The following SNAP91 variants were observed in gnomAD, a reference collection of about 807,000 sequenced individuals.
The protein encoded by SNAP91 is clathrin coat assembly protein AP180.
SNAP91 carries 27 observed loss-of-function variants against 100.3 expected under a neutral mutation model. That is an observed-to-expected ratio of 0.27 (90% CI 0.20 to 0.37). SNAP91 has a LOEUF of 0.37. Ranked by LOEUF, SNAP91 falls within the 10% of genes least tolerant of loss-of-function variation. The probability of loss-of-function intolerance (pLI) is 1.00; values close to 1 mark genes in which losing one functional copy is unlikely to be tolerated. For synonymous variants in SNAP91, 404 were observed against 398.6 expected (o/e 1.01, Z -0.16); for missense variants, 986 against 1,123.7 (o/e 0.88, Z 1.75).
At chr6:83,616,781 C>G (rs2096507483) in intron 10 of SNAP91, among the ~76,000 whole-genome samples, 188 bp downstream of exon 10, 1 of 152,052 alleles carries the variant, frequency 6.6e-6, no homozygotes, top group South Asian at 2.1e-4. Flanking sequence ...CATTAGCCTG[C>G]AGAGAGATTG....
intron 7 of SNAP91, among the ~76,000 whole-genome samples, chr6:83,645,651 A>T (rs764801289): frequency 6.6e-6 from 1 of 152,078 alleles, no homozygotes; most frequent in Non-Finnish European, 1.5e-5. Flanking sequence ...GTTTGAGACC[A>T]GCTTGGGCAA....
chr6:83,700,422 T>C (rs2099276787), intron 2 of SNAP91, among the ~76,000 whole-genome samples: 1 of 151,940 alleles, frequency 6.6e-6, no homozygotes, highest in Non-Finnish European at 1.5e-5. Flanking sequence ...TTATTATTAG[T>C]AGTGGTATTA....
intron 21 of SNAP91, 87 bp from the exon 22 acceptor site, chr6:83,591,381 C>A (rs1435247462): frequency 3.4e-5 from 29 of 859,658 alleles, no homozygotes; most frequent in Non-Finnish European, 5.7e-5. Context: ...TAGAGAAATG[C>A]AGAGACATGA....
chr6:83,576,002 A>T, intron 25 of SNAP91, 21 bp downstream of exon 25: 1 of 1,357,432 alleles, frequency 7.4e-7, no homozygotes, highest in Non-Finnish European at 1.0e-6. Flanking sequence ...AAAGGAAATC[A>T]CATAATTTCC....
At chr6:83,579,895 G>A (rs894891933) in intron 24 of SNAP91, among the ~76,000 whole-genome samples, 5 of 152,024 alleles carry the variant, frequency 3.3e-5, no homozygotes, top group Non-Finnish European at 7.4e-5. Flanking sequence ...TTTTCTCCAT[G>A]GAACTTATGA....
Position 83,623,316 on chromosome 6 carries a change from A to G in SNAP91, c.792T>C (p.Ile264=), listed in dbSNP as rs2096804064. 6.2e-7 allele frequency: 1 copy of G among 1,608,248 alleles called. No individual in the cohort carries two copies. Among genetic ancestry groups the G allele is most frequent in the Non-Finnish European group, 8.5e-7 (1 of 1,176,666 alleles). ...AEQVGIDKGD[I]PDLTQAPSSL... is the part of the protein sequence containing the mutation. ...AGTTGCTTACCTGTGTGAGGTCAGGAATGTCACCTTTATCAATACCAACTT... is the reference window on the plus strand; with the variant it reads ...AGTTGCTTACCTGTGTGAGGTCAGGGATGTCACCTTTATCAATACCAACTT... The change falls in exon 9 of 30, where the codon ATT becomes ATC. Residue 264 remains isoleucine (I), a synonymous_variant. Coordinates refer to ENST00000369694, the MANE Select transcript of SNAP91 (RefSeq NM_001242792.2).
intron 22 of SNAP91, among the ~76,000 whole-genome samples, 158 bp downstream of exon 22, chr6:83,591,053 C>A (rs946217573): frequency 6.6e-6 from 1 of 151,816 alleles, no homozygotes; most frequent in African/African-American, 2.4e-5. Context: ...AGCATAGTAC[C>A]CAACAGTCAG....
At chr6:83,690,450 G>T in intron 2 of SNAP91, 1 of 1,265,292 alleles carries the variant, frequency 7.9e-7, no homozygotes, top group Non-Finnish European at 1.0e-6. Flanking sequence ...CGAAAACAAT[G>T]CAGCTCAGTT....
chr6:83,589,437 A>G (rs546504695), intron 22 of SNAP91, among the ~76,000 whole-genome samples: 3 of 152,336 alleles, frequency 2.0e-5, no homozygotes, highest in Admixed American at 2.0e-4. Flanking sequence ...TTTCTATAAC[A>G]AAACAGGGAA....
intron 17 of SNAP91, among the ~76,000 whole-genome samples, chr6:83,593,968 T>C (rs935374241): frequency 1.3e-5 from 2 of 152,154 alleles, no homozygotes; most frequent in African/African-American, 4.8e-5. Context: ...ACTAAAGCAT[T>C]TTGCAAAGTG....
At chr6:83,582,408 G>A in intron 22 of SNAP91, 52 bp from the exon 23 acceptor site, 1 of 1,543,356 alleles carries the variant, frequency 6.5e-7, no homozygotes. Flanking sequence ...GGTGGGTAAA[G>A]GCCATAAAAA....
intron 22 of SNAP91, among the ~76,000 whole-genome samples, chr6:83,589,627 T>C (rs2093421952): frequency 6.6e-6 from 1 of 152,170 alleles, no homozygotes; most frequent in Admixed American, 6.6e-5. Flanking sequence ...TGCAAGACTG[T>C]TATGTTTGAT....
intron 7 of SNAP91, among the ~76,000 whole-genome samples, chr6:83,641,634 A>G (rs1490172927): frequency 6.6e-6 from 1 of 152,236 alleles, no homozygotes; most frequent in East Asian, 1.9e-4. Flanking sequence ...ACAATAATCA[A>G]TAAACCTTCC....
At chr6:83,658,940 A>C in intron 6 of SNAP91, 59 bp downstream of exon 6, 1 of 1,278,194 alleles carries the variant, frequency 7.8e-7, no homozygotes, top group Non-Finnish European at 1.1e-6. Context: ...CCTGTAGCCC[A>C]TCTTCAAATG....
chr6:83,562,574 C>T (rs1278352997), intron 26 of SNAP91, among the ~76,000 whole-genome samples: 3 of 152,128 alleles, frequency 2.0e-5, no homozygotes, highest in African/African-American at 7.2e-5. Flanking sequence ...TTAAGGTGGT[C>T]ATCTAGATAT....
intron 12 of SNAP91, among the ~76,000 whole-genome samples, chr6:83,608,070 A>C (rs2095754732): frequency 6.6e-6 from 1 of 152,232 alleles, no homozygotes; most frequent in East Asian, 1.9e-4. Context: ...ACTTCCATTC[A>C]TTAATTAAAA....
intron 8 of SNAP91, among the ~76,000 whole-genome samples, chr6:83,626,902 G>C (rs1445478639): frequency 1.3e-5 from 2 of 152,020 alleles, no homozygotes; most frequent in African/African-American, 4.8e-5. Flanking sequence ...CTGAATAGTA[G>C]TGGTGAAAGT....
At chr6:83,662,574 G>C (rs888138079) in intron 3 of SNAP91, among the ~76,000 whole-genome samples, 152 bp from the exon 4 acceptor site, 2 of 150,878 alleles carry the variant, frequency 1.3e-5, no homozygotes, top group Admixed American at 1.3e-4. Context: ...TTTCTCTGAG[G>C]GGAAAAAAAG....
rs776626684 is a variant in SNAP91 at position 83,593,485 on chromosome 6, G to T, written c.1689C>A (p.Ile563=). The T allele has an allele frequency of 4.5e-6, 7 of 1,550,838 alleles. No individual in the cohort carries two copies. In the East Asian group the frequency reaches 1.2e-4, roughly 27 times the overall value. Residue 563 remains isoleucine, a synonymous_variant, in exon 18 of 30, where the codon ATC becomes ATA. Coordinates refer to ENST00000369694, the MANE Select transcript of SNAP91 (RefSeq NM_001242792.2). The part of the protein sequence containing the change: ...TATTAPPALD[I]FGDLFESTPE... ...ACAATAACAAAAAATTACCACCAAA[G>T]ATATCTAGAGCAGGAGGAGCAGTGG...
Sources: allele counts gnomAD v4.1 joint callset (sites outside exome capture counted in the v4.1 genomes callset), GRCh38; gene constraint gnomAD v4.1.1; transcripts MANE v1.5; gene names NCBI Gene and HGNC (gene_info 2026-07-23, HGNC 2026-07-21).